The following ARHGEF7 variants were observed in gnomAD, a reference collection of about 807,000 sequenced individuals.
The protein encoded by ARHGEF7 is Rho guanine nucleotide exchange factor 7, also known as PAK-interacting exchange factor beta.
ARHGEF7 carries 33 observed loss-of-function variants against 109.8 expected under a neutral mutation model. The ratio of observed to expected loss-of-function variants is 0.30; its 90% CI spans 0.23 to 0.40. ARHGEF7 has a LOEUF of 0.40. Among genes scored for constraint, ARHGEF7 ranks in the 10% least tolerant of loss-of-function variants. The pLI is 1.00. For missense variants in ARHGEF7, 938 were observed against 1,098.5 expected, an observed-to-expected ratio of 0.85 and a Z score of 2.07; for synonymous variants, 458 against 424.6, an observed-to-expected ratio of 1.08 and a Z score of -0.97.
At position 111,275,714 on chromosome 13, in the gene ARHGEF7, T is replaced by C. The variant is rs184787411; in HGVS notation, c.1419+36T>C. 3.1e-3 allele frequency: 5,075 copies of C among 1,613,438 alleles called. 15 individuals carry two copies. Among genetic ancestry groups the C allele is most frequent in the Non-Finnish European group, 3.8e-3 (4,492 of 1,179,610 alleles). ...CCACATGCACGCACCAGGGTTTCTG[T>C]CCCACTCTTAGGAGCTCATAGCAGA... On this transcript the variant is annotated intron_variant, in intron 12 of 21. Transcript: ENST00000646102.
intron 2 of ARHGEF7, chr13:111,158,994 C>T (rs775242566): frequency 5.6e-6 from 4 of 717,518 alleles, no homozygotes; most frequent in African/African-American, 5.2e-5. Flanking sequence ...AATTTTGTAC[C>T]CTTTGACTAA....
chr13:111,284,655 T>A (rs2092939071), intron 16 of ARHGEF7, among the ~76,000 whole-genome samples: 1 of 152,222 alleles, frequency 6.6e-6, no homozygotes, highest in Non-Finnish European at 1.5e-5. Context: ...TGGCTGCATT[T>A]GCTTTGCCAA....
intron 16 of ARHGEF7, among the ~76,000 whole-genome samples, chr13:111,285,578 G>GC (rs1332824150): frequency 6.6e-6 from 1 of 152,168 alleles, no homozygotes; most frequent in Non-Finnish European, 1.5e-5. Context: ...TGTGCATGTG[G>GC]CCCCTGCACA....
intron 1 of ARHGEF7, among the ~76,000 whole-genome samples, chr13:111,150,335 C>T (rs1284978955): frequency 6.6e-6 from 1 of 152,158 alleles, no homozygotes; most frequent in Non-Finnish European, 1.5e-5. Context: ...AAGGACAATT[C>T]TTGGAGTCTT....
At position 111,202,629 on chromosome 13, in the gene ARHGEF7, G is replaced by A. The variant is rs1594665088; in HGVS notation, c.253-2660G>A. On this transcript the variant is annotated intron_variant, in intron 2 of 21. Transcript: ENST00000646102. ...AGACACTTGTTTTAATAACCCTAGG[G>A]AACAATTTAGTGTGCTAAATGTCAT... is the stretch of plus-strand genomic sequence containing the variant. Among the ~76,000 whole-genome samples the A allele has an allele frequency of 2.6e-5, 4 of 152,266 alleles. No homozygotes were observed. The East Asian group carries it at 7.7e-4, about 29-fold the overall frequency.
intron 19 of ARHGEF7, chr13:111,293,829 A>G: frequency 1.0e-6 from 1 of 985,376 alleles, no homozygotes; most frequent in Non-Finnish European, 1.2e-6. Context: ...TTGTTTGTGC[A>G]GAGTGAACTC....
chr13:111,140,546 G>A (rs890068234), intron 1 of ARHGEF7, among the ~76,000 whole-genome samples: 112 of 152,288 alleles, frequency 7.4e-4, no homozygotes, highest in African/African-American at 2.5e-3. Flanking sequence ...CCTGCCTGGC[G>A]AGTTCCAGAA....
At chr13:111,217,018 T>C (rs1485129964) in intron 4 of ARHGEF7, among the ~76,000 whole-genome samples, 2 of 152,266 alleles carry the variant, frequency 1.3e-5, no homozygotes, top group African/African-American at 2.4e-5. Context: ...AAGTTTGAAA[T>C]GAGCACTTTT....
rs2085461774 is a variant in ARHGEF7 at position 111,228,086 on chromosome 13, T to C, written c.671-5119T>C. Among the ~76,000 whole-genome samples the C allele has an allele frequency of 1.3e-5, 2 of 152,214 alleles. No individual in the cohort carries two copies. Among genetic ancestry groups the C allele is most frequent in the Admixed American group, 6.5e-5 (1 of 15,288 alleles). ...GTTATGAAGCACATCTGAGGTGTCC[T>C]GCACGGCACATGAGGTAAGCGTGCA... On this transcript the variant is annotated intron_variant, in intron 5 of 21. Transcript: ENST00000646102. The surrounding 1 kb of genome is among the most constrained non-coding windows in gnomAD (Gnocchi z 4.6).
chr13:111,238,037 G>A (rs2153535134), intron 6 of ARHGEF7, among the ~76,000 whole-genome samples: 1 of 152,290 alleles, frequency 6.6e-6, no homozygotes, highest in South Asian at 2.1e-4. Flanking sequence ...GACGGGGAAG[G>A]GAGAGGAAAT....
intron 2 of ARHGEF7, among the ~76,000 whole-genome samples, chr13:111,183,717 C>T (rs1465381464): frequency 6.6e-6 from 1 of 152,192 alleles, no homozygotes; most frequent in Non-Finnish European, 1.5e-5. Flanking sequence ...AATATACTTG[C>T]TCTGTCTCTC....
chr13:111,197,232 C>T (rs2080632429), intron 2 of ARHGEF7, among the ~76,000 whole-genome samples: 1 of 151,666 alleles, frequency 6.6e-6, no homozygotes. Context: ...CTCGCCGACG[C>T]AGCAGCAGAA....
intron 1 of ARHGEF7, among the ~76,000 whole-genome samples, chr13:111,147,393 T>G (rs1213276130): frequency 6.6e-6 from 1 of 152,196 alleles, no homozygotes; most frequent in African/African-American, 2.4e-5. Flanking sequence ...TCTGGTGGGG[T>G]GCAGTGTTAT....
At chr13:111,133,868 A>G (rs535951406) in intron 1 of ARHGEF7, among the ~76,000 whole-genome samples, 1 of 146,826 alleles carries the variant, frequency 6.8e-6, no homozygotes, top group South Asian at 2.2e-4. Context: ...TTTGTTACAT[A>G]TGTATACATG....
chr13:111,199,074 C>A (rs1202375573), intron 2 of ARHGEF7, among the ~76,000 whole-genome samples: 1 of 152,176 alleles, frequency 6.6e-6, no homozygotes, highest in East Asian at 1.9e-4. Context: ...TTCTGCAGGT[C>A]CCCACCCGAC....
intron 8 of ARHGEF7, among the ~76,000 whole-genome samples, chr13:111,256,798 A>G (rs1237382855): frequency 6.6e-6 from 1 of 151,958 alleles, no homozygotes; most frequent in Non-Finnish European, 1.5e-5. Context: ...GTGGGTTTTC[A>G]TGGTGTCTGT....
At chr13:111,169,195 T>C (rs2077375480) in intron 2 of ARHGEF7, among the ~76,000 whole-genome samples, 1 of 152,142 alleles carries the variant, frequency 6.6e-6, no homozygotes, top group African/African-American at 2.4e-5. Context: ...GAGAAGAAAG[T>C]CGTGTGTTAG....
Position 111,115,454 on chromosome 13 carries a change from GGGGCCGCGGGCC to G in ARHGEF7, c.-65_-54del, listed in dbSNP as rs1309315099. On this transcript the variant is annotated 5_prime_UTR_variant, in exon 1 of 22. Transcript: ENST00000646102. ...GGGCGAGGCGGCGGCGGCGGCGGCG[GGGGCCGCGGGCC>G]GGGCCGCCGCTCCGAGGTGAAGGCG... The G allele has an allele frequency of 7.1e-6, 7 of 988,424 alleles. No individual in the cohort carries two copies. Among genetic ancestry groups the G allele is most frequent in the Non-Finnish European group, 8.4e-6 (7 of 832,406 alleles). 61.2% of individuals were successfully genotyped at this position (988,424 alleles called of 1,614,324 possible).
In ARHGEF7 at chr13:111,140,725, T is replaced by C. The variant is rs557040814; in HGVS notation, c.166-13180T>C. Among the ~76,000 whole-genome samples, 15 of 152,268 alleles carry C rather than the reference T, an allele frequency of 9.9e-5. No homozygotes were observed. In the South Asian group the frequency reaches 2.7e-3, roughly 27 times the overall value. ...TTTGCTTTTTTAGAGGCAGGGTCTT[T>C]TTCTATTGCCCAGGAGGGAGTGCAG... On this transcript the variant is annotated intron_variant, in intron 1 of 21. Coordinates refer to ENST00000646102, the MANE Select transcript of ARHGEF7 (RefSeq NM_001354046.2).
Sources: gnomAD v4.1 joint callset for allele counts (sites outside exome capture counted in the v4.1 genomes callset) on GRCh38, gnomAD v4.1.1 for gene constraint, Gnocchi (gnomAD v3.1) non-coding constraint, MANE v1.5 for transcripts, NCBI Gene and HGNC (gene_info 2026-07-23, HGNC 2026-07-21) for gene names.